ANO4: variants seen among roughly 807,000 people sequenced by gnomAD.
The protein encoded by ANO4 is anoctamin 4, also known as anoctamin-4.
In ANO4, 69 loss-of-function variants were observed where a neutral mutation model predicts 141.9. The observed-to-expected ratio is 0.49, with a 90% CI of 0.40 to 0.59. The LOEUF (loss-of-function observed/expected upper bound fraction) is 0.59, where lower values mean the gene tolerates loss of function less well. Among genes scored for constraint, ANO4 ranks in the 20% least tolerant of loss-of-function variants. The probability of loss-of-function intolerance (pLI) is 0.00; values close to 1 mark genes in which losing one functional copy is unlikely to be tolerated. For synonymous variants in ANO4, 350 were observed against 394.3 expected (o/e 0.89, Z 1.33); for missense variants, 894 against 1,162.2 (o/e 0.77, Z 3.36).
At chr12:100,768,705 A>G (rs1333240574) in intron 3 of ANO4, among the ~76,000 whole-genome samples, 1 of 152,228 alleles carries the variant, frequency 6.6e-6, no homozygotes, top group Non-Finnish European at 1.5e-5. Flanking sequence ...CGTAAATGCC[A>G]TACTTTTATG....
intron 9 of ANO4, among the ~76,000 whole-genome samples, chr12:101,031,644 C>G (rs2046980403): frequency 6.6e-6 from 1 of 152,178 alleles, no homozygotes; most frequent in African/African-American, 2.4e-5. Context: ...GTCAAACTCT[C>G]TCTGTTTGCA....
chr12:100,764,930 T>G (rs1176127125), intron 3 of ANO4, among the ~76,000 whole-genome samples: 6 of 152,198 alleles, frequency 3.9e-5, no homozygotes, highest in Non-Finnish European at 8.8e-5. Context: ...ATTCTTTTCT[T>G]GTAGTGTCCT....
intron 10 of ANO4, among the ~76,000 whole-genome samples, chr12:101,037,717 T>C (rs1334577461): frequency 3.3e-5 from 5 of 152,216 alleles, no homozygotes; most frequent in Non-Finnish European, 1.5e-5. Context: ...TTCCACAGAA[T>C]TATTTAATCC....
chr12:101,043,397 A>G, intron 12 of ANO4, 142 bp from the exon 13 acceptor site: 2 of 593,350 alleles, frequency 3.4e-6, no homozygotes, highest in Non-Finnish European at 5.9e-6. Flanking sequence ...ACTTGTTTAC[A>G]TTAATAACAG....
chr12:100,768,078 G>T (rs2033159221), intron 3 of ANO4, among the ~76,000 whole-genome samples: 1 of 152,138 alleles, frequency 6.6e-6, no homozygotes, highest in Non-Finnish European at 1.5e-5. Flanking sequence ...GAAGCCTGGG[G>T]TTGAGGGAGT....
chr12:100,917,589 C>T (rs1474009422), intron 2 of ANO4, among the ~76,000 whole-genome samples: 1 of 152,184 alleles, frequency 6.6e-6, no homozygotes, highest in African/African-American at 2.4e-5. Context: ...AGATTGTCAT[C>T]TTTGAAGATT....
intron 9 of ANO4, among the ~76,000 whole-genome samples, chr12:101,022,781 C>T (rs2046584949): frequency 6.6e-6 from 1 of 152,176 alleles, no homozygotes; most frequent in African/African-American, 2.4e-5. Context: ...GGACTGTCAC[C>T]CAGGCTGGAG....
intron 5 of ANO4, among the ~76,000 whole-genome samples, chr12:100,967,075 GA>G (rs995447752): frequency 3.3e-5 from 5 of 150,962 alleles, no homozygotes; most frequent in South Asian, 2.1e-4. Context: ...CTGAACAAAA[GA>G]AAAAAAAATT....
intron 7 of ANO4, among the ~76,000 whole-genome samples, chr12:100,979,577 G>A (rs1268466980): frequency 6.6e-6 from 1 of 152,110 alleles, no homozygotes; most frequent in Non-Finnish European, 1.5e-5. Flanking sequence ...TCATGGTAGA[G>A]GAAGGAGAAA....
intron 14 of ANO4, among the ~76,000 whole-genome samples, chr12:101,050,728 A>T (rs977662548): frequency 1.2e-4 from 19 of 152,214 alleles, no homozygotes; most frequent in African/African-American, 4.6e-4. Context: ...CATAGCACAC[A>T]TAAAAATGAA....
chr12:101,076,124 T>C (rs1481121985), intron 14 of ANO4, among the ~76,000 whole-genome samples: 3 of 152,114 alleles, frequency 2.0e-5, no homozygotes, highest in Non-Finnish European at 2.9e-5. Context: ...AATATTATAG[T>C]GTGAATATTT....
intron 5 of ANO4, among the ~76,000 whole-genome samples, chr12:100,955,780 C>T (rs1282071330): frequency 6.6e-6 from 1 of 152,142 alleles, no homozygotes; most frequent in Non-Finnish European, 1.5e-5. Context: ...GAGAGGTGAC[C>T]TGGGACTTAA....
intron 1 of ANO4, among the ~76,000 whole-genome samples, chr12:100,851,703 A>T (rs1483808819): frequency 6.6e-6 from 1 of 152,216 alleles, no homozygotes; most frequent in Non-Finnish European, 1.5e-5. Context: ...GTGGTGGGAA[A>T]TGCAGAGAAG....
chr12:101,001,364 G>A (rs2045632731), intron 8 of ANO4, among the ~76,000 whole-genome samples: 1 of 152,206 alleles, frequency 6.6e-6, no homozygotes, highest in South Asian at 2.1e-4. Flanking sequence ...TTCACAGGCA[G>A]GTAGACACTC....
At chr12:101,095,266 T>C (rs1423271833) in intron 18 of ANO4, among the ~76,000 whole-genome samples, 2 of 147,360 alleles carry the variant, frequency 1.4e-5, no homozygotes, top group Admixed American at 1.4e-4. Context: ...AAATCTTCCA[T>C]CACCACCAGT....
At chr12:101,008,472 C>A (rs2045955332) in intron 8 of ANO4, among the ~76,000 whole-genome samples, 1 of 152,162 alleles carries the variant, frequency 6.6e-6, no homozygotes. Context: ...ACAATTCTTA[C>A]TACAGTAGAT....
At chr12:101,107,205 A>G (rs2050483459) in intron 22 of ANO4, among the ~76,000 whole-genome samples, 1 of 152,190 alleles carries the variant, frequency 6.6e-6, no homozygotes, top group South Asian at 2.1e-4. Flanking sequence ...TCTACCTGAT[A>G]GGTTTTCTTT....
chr12:100,777,269 C>CT (rs71091463), intron 3 of ANO4, among the ~76,000 whole-genome samples: 14,400 of 50,522 alleles, frequency 0.29, 4,173 homozygotes, highest in Non-Finnish European at 0.34. Context: ...ATTTTTGTAT[C>CT]TTTTTTTTTT....
intron 3 of ANO4, among the ~76,000 whole-genome samples, chr12:100,755,383 C>A (rs1016568505): frequency 1.3e-5 from 2 of 152,142 alleles, no homozygotes; most frequent in South Asian, 4.1e-4. Context: ...TCCCATAGCA[C>A]CTTATTCAGA....
Sources: gnomAD v4.1 joint callset for allele counts (sites outside exome capture counted in the v4.1 genomes callset) on GRCh38, gnomAD v4.1.1 for gene constraint, MANE v1.5 for transcripts, NCBI Gene and HGNC (gene_info 2026-07-23, HGNC 2026-07-21) for gene names.